ZSCAN9: variants seen among roughly 807,000 people sequenced by gnomAD.
The protein encoded by ZSCAN9 is zinc finger and SCAN domain-containing protein 9.
ZSCAN9 carries 19 observed loss-of-function variants against 23.0 expected under a neutral mutation model. The observed-to-expected ratio is 0.83, with a 90% CI of 0.58 to 1.21. The LOEUF (loss-of-function observed/expected upper bound fraction) is 1.21, where lower values mean the gene tolerates loss of function less well. Ranked by LOEUF, ZSCAN9 falls within the 50% of genes most tolerant of loss-of-function variation. The probability of loss-of-function intolerance (pLI) is 0.00; values close to 1 mark genes in which losing one functional copy is unlikely to be tolerated. For missense variants in ZSCAN9, 467 were observed against 471.5 expected (o/e 0.99, Z 0.09); for synonymous variants, 155 against 164.8 (o/e 0.94, Z 0.46).
chr6:28,232,886 T>C lies in ZSCAN9; in HGVS notation c.893T>C (p.Phe298Ser). ...GCCTTCAGTCGAAGTTCTGGTCTTTTTAATCACCGAGGAATCCACAATATA... is the reference window on the plus strand; with the variant it reads ...GCCTTCAGTCGAAGTTCTGGTCTTTCTAATCACCGAGGAATCCACAATATA... The part of the protein sequence containing the change: ...GKAFSRSSGL[F>S]NHRGIHNIQK... Residue 298 changes from phenylalanine (F) to serine (S), a missense_variant, in exon 4 of 4, where the codon TTT (phenylalanine) becomes TCT (serine). Coordinates refer to ENST00000252207, the MANE Select transcript of ZSCAN9 (RefSeq NM_006299.5). 6.2e-7 allele frequency: 1 copy of C among 1,614,176 alleles called. No individual in the cohort carries two copies. The highest frequency in any genetic ancestry group is 8.5e-7 in the Non-Finnish European group (1 of 1,180,046).
chr6:28,229,958 T>C (rs754001674), intron 3 of ZSCAN9, among the ~76,000 whole-genome samples: 38 of 151,890 alleles, frequency 2.5e-4, no homozygotes, highest in Middle Eastern at 3.4e-3. Flanking sequence ...CCCGGGTTCA[T>C]GCCATTCTTC....
rs534223336 is a variant in ZSCAN9, at chr6:28,232,509, C to T, written c.569-53C>T. On this transcript the variant is annotated intron_variant, in intron 3 of 3. Coordinates refer to ENST00000252207, the MANE Select transcript of ZSCAN9 (RefSeq NM_006299.5). ...ATATTTTTATAGACATAGTCACCTT[C>T]CCATAGGCTCAGGGAACAAGTGACA... 5.8e-6 allele frequency: 9 copies of T among 1,556,108 alleles called. No homozygotes were observed. In the Admixed American group the frequency reaches 5.9e-5, roughly 10 times the overall value.
intron 3 of ZSCAN9, among the ~76,000 whole-genome samples, chr6:28,232,231 TG>T (rs1301363489): frequency 3.9e-5 from 6 of 152,174 alleles, no homozygotes; most frequent in Admixed American, 1.3e-4. Context: ...CTTGGGAGAC[TG>T]AGGCAGGAGA....
Position 28,227,459 on chromosome 6 carries a change from T to A in ZSCAN9, c.375T>A (p.Ile125=). Residue 125 remains isoleucine, a synonymous_variant, in exon 2 of 4, where the codon ATT becomes ATA. Coordinates refer to ENST00000252207, the MANE Select transcript of ZSCAN9 (RefSeq NM_006299.5). The part of the protein sequence containing the change: ...HCPESGEEAV[I]LLEDLERELD... ...CAGAGAGTGGAGAAGAGGCTGTGAT[T>A]TTGCTGGAGGATCTGGAGAGAGAGC... 1 of 1,612,336 alleles carries A rather than the reference T, an allele frequency of 6.2e-7. No homozygotes were observed. Among genetic ancestry groups the A allele is most frequent in the South Asian group, 1.1e-5 (1 of 90,784 alleles).
At chr6:28,230,666 G>A (rs1009135275) in intron 3 of ZSCAN9, among the ~76,000 whole-genome samples, 1 of 152,074 alleles carries the variant, frequency 6.6e-6, no homozygotes. Context: ...TCCTCCTCTC[G>A]TAGAGATTAG....
intron 3 of ZSCAN9, among the ~76,000 whole-genome samples, chr6:28,230,651 A>C (rs1234912071): frequency 6.6e-6 from 1 of 152,178 alleles, no homozygotes; most frequent in Non-Finnish European, 1.5e-5. Context: ...AATAAAACAG[A>C]AGGTTCCTCC....
chr6:28,230,251 C>T, intron 3 of ZSCAN9: 1 of 1,238,588 alleles, frequency 8.1e-7, no homozygotes, highest in Admixed American at 2.8e-5. Context: ...CTTCATAAGT[C>T]ATGAAAGTTG....
chr6:28,227,144 A>G lies in ZSCAN9; in HGVS notation c.60A>G (p.Glu20=), dbSNP rs201461005. The change falls in exon 2 of 4, where the codon GAA becomes GAG. Residue 20 remains glutamate, a synonymous_variant. Transcript: ENST00000252207. ...SLGVQVPEAW[E]ELLTMKVEAK... ...GTGTTCAAGTTCCCGAGGCATGGGA[A>G]GAACTTCTGACAATGAAAGTGGAAG... The G allele has an allele frequency of 6.2e-7, 1 of 1,614,254 alleles. No individual in the cohort carries two copies. The highest frequency in any genetic ancestry group is 2.2e-5 in the East Asian group (1 of 44,886).
At chr6:28,227,910 C>A in intron 3 of ZSCAN9, 73 bp downstream of exon 3, 1 of 1,565,518 alleles carries the variant, frequency 6.4e-7, no homozygotes, top group Non-Finnish European at 8.7e-7. Flanking sequence ...AAACCCAGAG[C>A]TGGGAAAACA....
chr6:28,228,009 G>GCAGACTTCTCCCTGAGTA (rs772872055), intron 3 of ZSCAN9, 172 bp downstream of exon 3: 37 of 812,892 alleles, frequency 4.6e-5, no homozygotes, highest in African/African-American at 1.4e-4. Context: ...CTCCCTGCGT[G>GCAGACTTCTCCCTGAGTA]CAGACTTCTC....
Position 28,227,299 on chromosome 6 carries a change from G to T in ZSCAN9, c.215G>T (p.Arg72Leu). 4.3e-6 allele frequency: 7 copies of T among 1,614,198 alleles called. No individual in the cohort carries two copies. Among genetic ancestry groups the T allele is most frequent in the Non-Finnish European group, 5.9e-6 (7 of 1,180,034 alleles). ...CCTGGACCAAGGGAGGCTCTTACTC[G>T]ACTCCAGGAACTTTGCTACCAGTGG... Reference protein sequence around the residue: ...ETPGPREALTRLQELCYQWLR... With the variant: ...ETPGPREALTLLQELCYQWLR... Residue 72 changes from arginine to leucine, a missense_variant, in exon 2 of 4, where the codon CGA becomes CTA. Arg to Leu is a moderately radical substitution (Grantham distance 102). Transcript: ENST00000252207.
Position 28,232,777 on chromosome 6 carries a change from A to T in ZSCAN9, c.784A>T (p.Ser262Cys). 6.2e-7 allele frequency: 1 copy of T among 1,614,232 alleles called. No homozygotes were observed. The highest frequency in any genetic ancestry group is 8.5e-7 in the Non-Finnish European group (1 of 1,180,042). The change falls in exon 4 of 4, where the codon AGC becomes TGC. Residue 262 changes from serine to cysteine, a missense_variant. By Grantham distance (112) the Ser-to-Cys change is moderately radical. Coordinates refer to ENST00000252207, the MANE Select transcript of ZSCAN9 (RefSeq NM_006299.5). ...ACACAAATGTGATGAATGTGGGAAG[A>T]GCTTTACTCAGAGCTCAGGTCTCAT... ...GQHKCDECGK[S>C]FTQSSGLIRH...
intron 1 of ZSCAN9, 113 bp from the exon 2 acceptor site, chr6:28,226,899 C>T: frequency 1.9e-6 from 1 of 520,164 alleles, no homozygotes; most frequent in Admixed American, 3.7e-5. Context: ...CTTTGGTCAC[C>T]AAATCACTTT....
At position 28,227,056 on chromosome 6, in the gene ZSCAN9, G is replaced by A; in HGVS notation, c.-29G>A. The A allele has an allele frequency of 2.5e-6, 4 of 1,592,082 alleles. No homozygotes were observed. The highest frequency in any genetic ancestry group is 2.6e-6 in the Non-Finnish European group (3 of 1,168,322). ...GTCTTGAAGCATAGCTCCAGCTGGAGGGTACCTTTTAAGCTGTTCAAGGTC... is the reference window on the plus strand; with the variant it reads ...GTCTTGAAGCATAGCTCCAGCTGGAAGGTACCTTTTAAGCTGTTCAAGGTC... On this transcript the variant is annotated 5_prime_UTR_variant, in exon 2 of 4. Transcript: ENST00000252207.
intron 3 of ZSCAN9, 86 bp downstream of exon 3, chr6:28,227,923 A>T (rs1561846155): frequency 6.9e-7 from 1 of 1,459,662 alleles, no homozygotes; most frequent in Non-Finnish European, 9.5e-7. Context: ...GGAAAACAGG[A>T]GACCCAAAGA....
At chr6:28,228,242 G>A in intron 3 of ZSCAN9, 1 of 577,994 alleles carries the variant, frequency 1.7e-6, no homozygotes, top group East Asian at 2.9e-5. Flanking sequence ...AATAGCTTTG[G>A]TTTAGTCTAC....
At chr6:28,227,610 C>T (rs1425763287) in intron 2 of ZSCAN9, 80 bp from the exon 3 acceptor site, 9 of 1,575,850 alleles carry the variant, frequency 5.7e-6, no homozygotes, top group South Asian at 1.2e-5. Context: ...ATACTCTCTT[C>T]CTGTTTCCTT....
chr6:28,226,492 A>G (rs1290094805), intron 1 of ZSCAN9, among the ~76,000 whole-genome samples: 2 of 152,218 alleles, frequency 1.3e-5, no homozygotes, highest in Non-Finnish European at 1.5e-5. Context: ...TGATCGGTGC[A>G]GTCCCTAATT....
Position 28,232,555 on chromosome 6 carries a change from G to T in ZSCAN9, c.569-7G>T, listed in dbSNP as rs1192142937. 4 of 1,599,260 alleles carry T rather than the reference G, an allele frequency of 2.5e-6. No individual in the cohort carries two copies. Among genetic ancestry groups the T allele is most frequent in the Admixed American group, 3.5e-5 (2 of 57,704 alleles). On this transcript the variant is annotated splice_region_variant and splice_polypyrimidine_tract_variant and intron_variant, in intron 3 of 3. Coordinates refer to ENST00000252207, the MANE Select transcript of ZSCAN9 (RefSeq NM_006299.5). The stretch of plus-strand genomic sequence containing the variant: ...TGACATTTACCTAGCCTTTTTCTTT[G>T]TTTCAGATGAAGTAACCAAGACTGA...
Sources: gnomAD v4.1 joint callset for allele counts (sites outside exome capture counted in the v4.1 genomes callset) on GRCh38, gnomAD v4.1.1 for gene constraint, MANE v1.5 for transcripts, NCBI Gene and HGNC (gene_info 2026-07-23, HGNC 2026-07-21) for gene names.